Variants in SYNPR observed in about 807,000 individuals in gnomAD.
SYNPR encodes the protein synaptoporin.
SYNPR carries 23 observed loss-of-function variants against 32.9 expected under a neutral mutation model. The ratio of observed to expected loss-of-function variants is 0.70; its 90% CI spans 0.50 to 0.99. The LOEUF (loss-of-function observed/expected upper bound fraction) is 0.99, where lower values mean the gene tolerates loss of function less well. Among genes scored for constraint, SYNPR ranks in the 50% least tolerant of loss-of-function variants. SYNPR has a pLI of 0.00. For missense variants in SYNPR, 318 were observed against 349.3 expected (o/e 0.91, Z 0.71); for synonymous variants, 146 against 135.9 (o/e 1.07, Z -0.52).
chr3:63,548,512 A>G (rs1003925098), intron 3 of SYNPR, among the ~76,000 whole-genome samples: 3 of 152,198 alleles, frequency 2.0e-5, no homozygotes, highest in African/African-American at 7.2e-5. Flanking sequence ...ATGCACACAC[A>G]AACACACTTA....
chr3:63,582,919 C>T (rs746586698), intron 4 of SYNPR, among the ~76,000 whole-genome samples: 11 of 152,122 alleles, frequency 7.2e-5, no homozygotes, highest in Middle Eastern at 3.4e-3. Context: ...AAGTGTCACG[C>T]GTGTCCGTAT....
At chr3:63,274,124 C>T (rs189005291), upstream of SYNPR, among the ~76,000 whole-genome samples, 108 of 152,266 alleles carry the variant, frequency 7.1e-4, no homozygotes, top group African/African-American at 2.4e-3. Context: ...CCACTCATTT[C>T]CATTATTTTA....
chr3:63,511,198 C>T lies in SYNPR; in HGVS notation c.209+30242C>T, dbSNP rs538186515. ...AGGCCTGAATGAAAATCCTGATGCT[C>T]CTGCTCACGGGCTGGGGTGCTCAGA... On this transcript the variant is annotated intron_variant, in intron 3 of 5. Transcript: ENST00000478300. Among the ~76,000 whole-genome samples the T allele has an allele frequency of 3.9e-5, 6 of 152,052 alleles. No homozygotes were observed. In the South Asian group the frequency reaches 6.2e-4, roughly 16 times the overall value.
At chr3:63,504,743 C>T (rs1273038612) in intron 3 of SYNPR, among the ~76,000 whole-genome samples, 3 of 152,064 alleles carry the variant, frequency 2.0e-5, no homozygotes, top group African/African-American at 7.2e-5. Flanking sequence ...GGAGAGACTT[C>T]TGTGGCCATT....
At chr3:63,335,766 C>CTTTT (rs3082128) in intron 2 of SYNPR, among the ~76,000 whole-genome samples, 2,409 of 90,814 alleles carry the variant, frequency 0.027, 162 homozygotes, top group African/African-American at 0.059. Context: ...TATTAGCTTC[C>CTTTT]TTTTTTTTTT....
chr3:63,454,383 G>A (rs923565803), intron 2 of SYNPR, among the ~76,000 whole-genome samples: 2 of 151,884 alleles, frequency 1.3e-5, no homozygotes. Flanking sequence ...AAATTGATTC[G>A]AAGCTTGTTG....
At chr3:63,585,449 G>GCC (rs141942203) in intron 4 of SYNPR, among the ~76,000 whole-genome samples, 2,843 of 109,456 alleles carry the variant, frequency 0.026, 85 homozygotes, top group African/African-American at 0.077. Context: ...GTATATCCAT[G>GCC]CCCCCCCCCT....
intron 2 of SYNPR, among the ~76,000 whole-genome samples, chr3:63,427,913 G>A (rs532868423): frequency 6.6e-6 from 1 of 152,332 alleles, no homozygotes; most frequent in East Asian, 1.9e-4. Context: ...AGTGTACTGT[G>A]GCAGAATAAT....
At chr3:63,209,942 A>G in the SYNPR span, among the ~76,000 whole-genome samples, 1 of 152,116 alleles carries the variant, frequency 6.6e-6, no homozygotes, top group Non-Finnish European at 1.5e-5. Flanking sequence ...GGTGCTTGAG[A>G]AATATTTGTT....
At chr3:63,609,842 G>A (rs200086969) in intron 5 of SYNPR, among the ~76,000 whole-genome samples, 4 of 152,110 alleles carry the variant, frequency 2.6e-5, no homozygotes, top group East Asian at 3.9e-4. Context: ...CCCAGGAGGC[G>A]GAGGTTGCAG....
rs1442770751 is a variant in SYNPR, at chr3:63,515,910, G to T, written c.209+34954G>T. Among the ~76,000 whole-genome samples the T allele has an allele frequency of 2.4e-4, 37 of 151,908 alleles. 1 individual carries two copies. Among genetic ancestry groups the T allele is most frequent in the Admixed American group, 2.4e-3 (37 of 15,222 alleles). On this transcript the variant is annotated intron_variant, in intron 3 of 5. Transcript: ENST00000478300. ...TTTTTTACATTATCACAATCATGAG[G>T]ATCCCTCCTACACATATAGAGCATA...
At chr3:63,217,305 A>G in the SYNPR span, among the ~76,000 whole-genome samples, 1 of 38,356 alleles carries the variant, frequency 2.6e-5, no homozygotes, top group African/African-American at 9.0e-5. Flanking sequence ...CCCCTCCCCC[A>G]GCCTCGTTGC....
At chr3:63,433,740 C>T (rs1189306512) in intron 2 of SYNPR, among the ~76,000 whole-genome samples, 2 of 152,040 alleles carry the variant, frequency 1.3e-5, no homozygotes, top group African/African-American at 4.8e-5. Flanking sequence ...TATAAGAAGC[C>T]TCACCCAGAT....
chr3:63,392,157 C>G (rs999679927), intron 2 of SYNPR, among the ~76,000 whole-genome samples: 3 of 152,066 alleles, frequency 2.0e-5, no homozygotes, highest in Non-Finnish European at 4.4e-5. Flanking sequence ...AGAATCAGTC[C>G]CAGAAATGGC....
chr3:63,454,382 C>T (rs758852575), intron 2 of SYNPR, among the ~76,000 whole-genome samples: 6 of 151,974 alleles, frequency 3.9e-5, no homozygotes, highest in African/African-American at 7.3e-5. Flanking sequence ...TAAATTGATT[C>T]GAAGCTTGTT....
chr3:63,222,014 T>TTTTTTTTTTTTTTTTTTTTTTTG, the SYNPR span, among the ~76,000 whole-genome samples: 1 of 121,436 alleles, frequency 8.2e-6, no homozygotes, highest in African/African-American at 3.9e-5. Context: ...ATGCTCAATT[T>TTTTTTTTTTTTTTTTTTTTTTTG]TTTTTTTTTT....
intron 1 of SYNPR, among the ~76,000 whole-genome samples, chr3:63,246,627 A>C (rs1434385416): frequency 1.3e-5 from 2 of 152,066 alleles, no homozygotes; most frequent in Admixed American, 1.3e-4. Context: ...TTGAGCACAG[A>C]CCTGAAGTGA....
At chr3:63,355,767 C>T (rs2087569043) in intron 2 of SYNPR, among the ~76,000 whole-genome samples, 2 of 152,088 alleles carry the variant, frequency 1.3e-5, no homozygotes, top group African/African-American at 4.8e-5. Flanking sequence ...CCTGGGCCTC[C>T]CTCTCCCTCT....
At chr3:63,520,352 A>T (rs756315494) in intron 3 of SYNPR, among the ~76,000 whole-genome samples, 18 of 152,172 alleles carry the variant, frequency 1.2e-4, no homozygotes, top group Admixed American at 4.6e-4. Context: ...ATACCCCAGC[A>T]GCCTGTTTCT....
Sources: gnomAD v4.1 joint callset for allele counts (sites outside exome capture counted in the v4.1 genomes callset) on GRCh38, gnomAD v4.1.1 for gene constraint, MANE v1.5 for transcripts, NCBI Gene and HGNC (gene_info 2026-07-23, HGNC 2026-07-21) for gene names.